The following FTO variants were observed in gnomAD, a reference collection of about 807,000 sequenced individuals.
FTO encodes alpha-ketoglutarate-dependent dioxygenase FTO.
FTO carries 47 observed loss-of-function variants against 63.9 expected under a neutral mutation model. The observed-to-expected ratio is 0.74, with a 90% CI of 0.58 to 0.94. The LOEUF is 0.94. Among genes scored for constraint, FTO ranks in the 40% least tolerant of loss-of-function variants. The pLI is 0.00. For synonymous variants in FTO, 207 were observed against 224.4 expected (o/e 0.92, Z 0.69); for missense variants, 562 against 618.1 (o/e 0.91, Z 0.96).
chr16:53,906,338 A>C (rs554915170), intron 7 of FTO, among the ~76,000 whole-genome samples: 3 of 152,306 alleles, frequency 2.0e-5, no homozygotes, highest in Non-Finnish European at 4.4e-5. Context: ...TTACTGTTCA[A>C]CAGGCACCTG....
At chr16:53,887,056 A>G (rs1296882241) in intron 6 of FTO, 3 of 152,244 alleles carry the variant, frequency 2.0e-5, no homozygotes, top group Non-Finnish European at 2.9e-5. Flanking sequence ...ATATATTTCC[A>G]TAGGTTAACT....
intron 3 of FTO, among the ~76,000 whole-genome samples, chr16:53,838,182 G>A (rs1479665734): frequency 1.3e-5 from 2 of 152,188 alleles, no homozygotes. Flanking sequence ...AGACTCCATG[G>A]TACCAGCTGG....
chr16:53,878,071 G>A (rs980952209), intron 5 of FTO, among the ~76,000 whole-genome samples: 4 of 152,152 alleles, frequency 2.6e-5, no homozygotes, highest in Non-Finnish European at 2.9e-5. Flanking sequence ...GGCTGAGGGG[G>A]GTGGATCACT....
intron 8 of FTO, among the ~76,000 whole-genome samples, chr16:53,997,172 A>G (rs967636760): frequency 6.6e-6 from 1 of 150,910 alleles, no homozygotes; most frequent in Non-Finnish European, 1.5e-5. Context: ...GAAAAGAGAG[A>G]GGGAGAGAAA....
chr16:53,750,473 A>G (rs1201902549), intron 1 of FTO, among the ~76,000 whole-genome samples: 1 of 152,146 alleles, frequency 6.6e-6, no homozygotes, highest in Non-Finnish European at 1.5e-5. Context: ...TCCTGACCTC[A>G]GGTCATCTGC....
intron 4 of FTO, among the ~76,000 whole-genome samples, chr16:53,850,722 G>C (rs2079765413): frequency 6.6e-6 from 1 of 151,824 alleles, no homozygotes; most frequent in Non-Finnish European, 1.5e-5. Context: ...TTACATAGTA[G>C]ACTCTCATTC....
intron 4 of FTO, among the ~76,000 whole-genome samples, chr16:53,867,561 G>GA (rs1389590716): frequency 6.6e-6 from 1 of 151,760 alleles, no homozygotes; most frequent in Non-Finnish European, 1.5e-5. Flanking sequence ...ATTTGTAAGT[G>GA]AAAGTAATGA....
intron 8 of FTO, among the ~76,000 whole-genome samples, chr16:53,969,583 G>A (rs1191456540): frequency 6.6e-6 from 1 of 152,150 alleles, no homozygotes; most frequent in Non-Finnish European, 1.5e-5. Context: ...CACAAACAGC[G>A]AGTTCCCAGA....
At chr16:54,098,261 T>C (rs2086558395) in intron 8 of FTO, among the ~76,000 whole-genome samples, 1 of 152,160 alleles carries the variant, frequency 6.6e-6, no homozygotes, top group Non-Finnish European at 1.5e-5. Context: ...TGTCACACAG[T>C]TGGTATTAGA....
Position 53,754,996 on chromosome 16 carries a change from G to A in FTO, c.45+50767G>A, listed in dbSNP as rs191000379. Among the ~76,000 whole-genome samples, 566 of 152,282 alleles carry A rather than the reference G, an allele frequency of 3.7e-3. 2 individuals are homozygous for A. The highest frequency in any genetic ancestry group is 6.3e-3 in the Non-Finnish European group (430 of 68,022). On this transcript the variant is annotated intron_variant, in intron 1 of 8. Transcript: ENST00000471389. ...CAAACACCATTTCTCATCGCTATAG[G>A]CAAGCCAGAAGCCACATGTTTCCTA...
rs1320444975 is a variant in FTO at position 54,112,195 on chromosome 16, C to A, written c.*280C>A. ...TTCAGCCCCCAAGGTCCAGGGCAGGCGACAGGAACGAGCCCAGCGTGTGAC... is the reference window on the plus strand; with the variant it reads ...TTCAGCCCCCAAGGTCCAGGGCAGGAGACAGGAACGAGCCCAGCGTGTGAC... On this transcript the variant is annotated 3_prime_UTR_variant, in exon 9 of 9. Coordinates refer to ENST00000471389, the MANE Select transcript of FTO (RefSeq NM_001080432.3). The A allele has an allele frequency of 2.3e-6, 1 of 436,810 alleles. No homozygotes were observed. Among genetic ancestry groups the A allele is most frequent in the Non-Finnish European group, 4.3e-6 (1 of 235,266 alleles). 27.1% of individuals were successfully genotyped at this position (436,810 alleles called of 1,614,324 possible).
chr16:53,960,286 A>G (rs771699660), intron 8 of FTO, among the ~76,000 whole-genome samples: 7 of 152,232 alleles, frequency 4.6e-5, no homozygotes, highest in Admixed American at 2.0e-4. Context: ...AGCCACATCA[A>G]AAAACCAGTG....
chr16:53,979,114 A>G (rs1299093138), intron 8 of FTO, among the ~76,000 whole-genome samples: 1 of 152,242 alleles, frequency 6.6e-6, no homozygotes, highest in African/African-American at 2.4e-5. Flanking sequence ...GAATATTATT[A>G]CATACATCAC....
chr16:53,879,598 A>T (rs2080764944), intron 5 of FTO, among the ~76,000 whole-genome samples: 1 of 149,652 alleles, frequency 6.7e-6, no homozygotes, highest in Non-Finnish European at 1.5e-5. Flanking sequence ...AGGTGGGAGG[A>T]TTGCATGAGC....
rs144775010 is a variant in FTO, at chr16:53,794,678, A to G, written c.46-15462A>G. Among the ~76,000 whole-genome samples, 39 of 152,302 alleles carry G rather than the reference A, an allele frequency of 2.6e-4. 1 individual carries two copies. The South Asian group carries it at 5.0e-3, about 19-fold the overall frequency. On this transcript the variant is annotated intron_variant, in intron 1 of 8. Coordinates refer to ENST00000471389, the MANE Select transcript of FTO (RefSeq NM_001080432.3). ...GATAGATTCAATTTCAAGAATAGCA[A>G]CTGAATCAGGCTGACTGTGAGGAGA...
At chr16:53,870,723 G>A (rs1598873109) in intron 4 of FTO, among the ~76,000 whole-genome samples, 1 of 151,980 alleles carries the variant, frequency 6.6e-6, no homozygotes, top group East Asian at 1.9e-4. Flanking sequence ...TTATTATTTT[G>A]GATTTAAAAA....
chr16:53,764,002 C>T (rs1353441615), intron 1 of FTO, among the ~76,000 whole-genome samples: 1 of 152,198 alleles, frequency 6.6e-6, no homozygotes, highest in Non-Finnish European at 1.5e-5. Flanking sequence ...AGTTCTTTCA[C>T]TTCCAGCAAG....
At chr16:53,915,529 C>A (rs1233379534) in intron 7 of FTO, among the ~76,000 whole-genome samples, 1 of 152,146 alleles carries the variant, frequency 6.6e-6, no homozygotes, top group Non-Finnish European at 1.5e-5. Context: ...GTTTCTTTTT[C>A]TGCTCCTTAA....
At chr16:53,739,237 G>T (rs138372851) in intron 1 of FTO, among the ~76,000 whole-genome samples, 2 of 135,870 alleles carry the variant, frequency 1.5e-5, no homozygotes, top group African/African-American at 6.1e-5. Flanking sequence ...ACGGAGTCTC[G>T]CTCTGTCGCC....
Sources: gnomAD v4.1 joint callset for allele counts (sites outside exome capture counted in the v4.1 genomes callset) on GRCh38, gnomAD v4.1.1 for gene constraint, MANE v1.5 for transcripts, NCBI Gene and HGNC (gene_info 2026-07-23, HGNC 2026-07-21) for gene names.